Variants in CNTN1 observed in about 807,000 individuals in gnomAD.
The protein encoded by CNTN1 is contactin 1, also known as contactin-1.
Under a neutral mutation model 126.4 loss-of-function variants are expected in CNTN1, and 38 were observed. The observed-to-expected ratio is 0.30, with a 90% CI of 0.23 to 0.39. CNTN1 has a LOEUF of 0.39. Among genes scored for constraint, CNTN1 ranks in the 10% least tolerant of loss-of-function variants. CNTN1 has a pLI of 1.00. For synonymous variants in CNTN1, 413 were observed against 422.6 expected (o/e 0.98, Z 0.28); for missense variants, 1,009 against 1,248.4 (o/e 0.81, Z 2.89).
At chr12:41,031,966 C>T (rs1222205602) in intron 23 of CNTN1, among the ~76,000 whole-genome samples, 1 of 151,942 alleles carries the variant, frequency 6.6e-6, no homozygotes, top group African/African-American at 2.4e-5. Context: ...GGTTTTCATG[C>T]CCTAAATACG....
At chr12:40,908,268 T>C in intron 1 of CNTN1, 89 bp from the exon 2 acceptor site, 1 of 580,846 alleles carries the variant, frequency 1.7e-6, no homozygotes, top group Non-Finnish European at 3.1e-6. Flanking sequence ...TTTCCTTCCC[T>C]TTCTTTCTTC....
At chr12:40,805,591 A>G (rs1390388195) in intron 1 of CNTN1, among the ~76,000 whole-genome samples, 1 of 152,124 alleles carries the variant, frequency 6.6e-6, no homozygotes, top group Non-Finnish European at 1.5e-5. Context: ...TGCCCTTTAT[A>G]TCTGTTAGCA....
At chr12:40,806,868 T>A (rs1198971135) in intron 1 of CNTN1, among the ~76,000 whole-genome samples, 1 of 152,122 alleles carries the variant, frequency 6.6e-6, no homozygotes, top group Non-Finnish European at 1.5e-5. Context: ...CATGATTACC[T>A]TGTAGTCTGA....
intron 4 of CNTN1, 101 bp downstream of exon 4, chr12:40,918,872 A>T: frequency 7.0e-7 from 1 of 1,422,362 alleles, no homozygotes; most frequent in Non-Finnish European, 9.9e-7. Flanking sequence ...CTTTCTGCAA[A>T]TTCCATGGAC....
chr12:40,725,928 A>G (rs540224332), intron 1 of CNTN1, among the ~76,000 whole-genome samples: 1 of 152,100 alleles, frequency 6.6e-6, no homozygotes, highest in Non-Finnish European at 1.5e-5. Context: ...AAAAAACAGC[A>G]AACAAGAGAA....
intron 1 of CNTN1, among the ~76,000 whole-genome samples, chr12:40,852,368 AGCAAT>A (rs1049448250): frequency 6.6e-6 from 1 of 152,140 alleles, no homozygotes; most frequent in African/African-American, 2.4e-5. Context: ...TGGGTTGATC[AGCAAT>A]GCTTGGTTTT....
chr12:40,814,797 A>G (rs545882500), intron 1 of CNTN1, among the ~76,000 whole-genome samples: 65 of 152,180 alleles, frequency 4.3e-4, no homozygotes, highest in African/African-American at 1.5e-3. Context: ...GCATATGGAC[A>G]TTTTCACGAT....
intron 1 of CNTN1, among the ~76,000 whole-genome samples, chr12:40,808,043 A>G (rs554220870): frequency 6.6e-6 from 1 of 152,240 alleles, no homozygotes; most frequent in Admixed American, 6.5e-5. Context: ...TCTTCCCTCA[A>G]CTGTCAATGG....
intron 1 of CNTN1, among the ~76,000 whole-genome samples, chr12:40,764,242 T>A (rs1938986936): frequency 6.6e-6 from 1 of 152,194 alleles, no homozygotes; most frequent in Non-Finnish European, 1.5e-5. Context: ...CCAGGCAGAT[T>A]AAGCAGGCAA....
chr12:40,813,288 C>A (rs1283868917), intron 1 of CNTN1, among the ~76,000 whole-genome samples: 1 of 150,638 alleles, frequency 6.6e-6, no homozygotes. Context: ...CATAAGTATA[C>A]ATGTGTCATG....
At chr12:40,833,608 A>G (rs1451161708) in intron 1 of CNTN1, among the ~76,000 whole-genome samples, 2 of 152,236 alleles carry the variant, frequency 1.3e-5, no homozygotes, top group Non-Finnish European at 2.9e-5. Context: ...CTAAACTGTT[A>G]TCTTATTTTG....
At chr12:40,934,610 A>C (rs1479276062) in intron 9 of CNTN1, among the ~76,000 whole-genome samples, 2 of 151,858 alleles carry the variant, frequency 1.3e-5, no homozygotes, top group Non-Finnish European at 2.9e-5. Flanking sequence ...ATAAACATCG[A>C]GGGCTTCCAC....
intron 17 of CNTN1, among the ~76,000 whole-genome samples, chr12:41,008,992 G>A (rs1948577855): frequency 6.6e-6 from 1 of 152,216 alleles, no homozygotes; most frequent in African/African-American, 2.4e-5. Flanking sequence ...TATGCCTGGA[G>A]TGAGAGACAC....
Position 40,958,215 on chromosome 12 carries a change from AC to A in CNTN1, c.1684-898del, listed in dbSNP as rs368960308. Among the ~76,000 whole-genome samples, 294 of 152,096 alleles carry A rather than the reference AC, an allele frequency of 1.9e-3. 4 individuals are homozygous for A. Among genetic ancestry groups the A allele is most frequent in the African/African-American group, 6.2e-3 (256 of 41,532 alleles). On this transcript the variant is annotated intron_variant, in intron 14 of 23. Coordinates refer to ENST00000551295, the MANE Select transcript of CNTN1 (RefSeq NM_001843.4). Reference sequence around the variant, plus strand: ...AAATTACTTGGATTCCTTAAGTCTAACTTTTACTGTTAATCAAATGGATATA... The same window carrying A: ...AAATTACTTGGATTCCTTAAGTCTAATTTTACTGTTAATCAAATGGATATA...
chr12:41,020,965 G>A (rs1357213564), intron 20 of CNTN1, among the ~76,000 whole-genome samples: 1 of 152,150 alleles, frequency 6.6e-6, no homozygotes, highest in Non-Finnish European at 1.5e-5. Flanking sequence ...GTAAGAATCA[G>A]TCAGACGCAA....
intron 15 of CNTN1, among the ~76,000 whole-genome samples, chr12:40,974,843 A>G (rs1391219932): frequency 6.6e-6 from 1 of 151,992 alleles, no homozygotes; most frequent in African/African-American, 2.4e-5. Flanking sequence ...AAGTACTCAG[A>G]AAAAAGCATA....
intron 1 of CNTN1, among the ~76,000 whole-genome samples, chr12:40,768,163 C>A (rs1249845235): frequency 6.6e-6 from 1 of 152,092 alleles, no homozygotes; most frequent in African/African-American, 2.4e-5. Context: ...TTATAATTTA[C>A]AAATTATTAA....
chr12:40,960,377 C>T (rs1253248948), intron 15 of CNTN1, among the ~76,000 whole-genome samples: 1 of 151,990 alleles, frequency 6.6e-6, no homozygotes, highest in Non-Finnish European at 1.5e-5. Flanking sequence ...ACTTTTCACA[C>T]TATCAGATAA....
intron 1 of CNTN1, among the ~76,000 whole-genome samples, chr12:40,843,405 T>C (rs1483421723): frequency 6.6e-6 from 1 of 152,194 alleles, no homozygotes; most frequent in African/African-American, 2.4e-5. Flanking sequence ...TAATGAATAT[T>C]AGGGATAAAA....
Sources: allele counts gnomAD v4.1 joint callset (sites outside exome capture counted in the v4.1 genomes callset), GRCh38; gene constraint gnomAD v4.1.1; transcripts MANE v1.5; gene names NCBI Gene and HGNC (gene_info 2026-07-23, HGNC 2026-07-21).